ARHGAP5: variants seen among roughly 807,000 people sequenced by gnomAD.
The protein encoded by ARHGAP5 is Rho GTPase activating protein 5, also known as rho GTPase-activating protein 5.
Under a neutral mutation model 116.6 loss-of-function variants are expected in ARHGAP5, and 23 were observed. The ratio of observed to expected loss-of-function variants is 0.20; its 90% CI spans 0.14 to 0.28. The LOEUF is 0.28. Ranked by LOEUF, ARHGAP5 falls within the 10% of genes least tolerant of loss-of-function variation. The pLI, the probability that ARHGAP5 is intolerant of heterozygous loss-of-function variation, is 1.00. For missense variants in ARHGAP5, 1,405 were observed against 1,774.8 expected, an observed-to-expected ratio of 0.79 and a Z score of 3.74; for synonymous variants, 574 against 602.0, an observed-to-expected ratio of 0.95 and a Z score of 0.68.
At chr14:32,114,120 C>G (rs543578941) in intron 2 of ARHGAP5, among the ~76,000 whole-genome samples, 5 of 151,834 alleles carry the variant, frequency 3.3e-5, no homozygotes, top group Non-Finnish European at 4.4e-5. Context: ...CCCAGCTACT[C>G]GGGAGGCTGA....
In ARHGAP5 at chr14:32,090,491, CCT is replaced by C. The variant is rs1878189021; in HGVS notation, c.-168-6_-168-5del. The C allele has an allele frequency of 1.9e-6, 1 of 524,030 alleles. No individual in the cohort carries two copies. The highest frequency in any genetic ancestry group is 3.3e-6 in the Non-Finnish European group (1 of 302,974). The allele number at this position is 524,030 out of a possible 1,614,324, so 32.5% of individuals were successfully genotyped here. A position where few individuals can be genotyped will look rare whatever the true frequency, so the allele number is the denominator to read the frequency against. On this transcript the variant is annotated splice_polypyrimidine_tract_variant and intron_variant, in intron 1 of 6. Coordinates refer to ENST00000345122, the MANE Select transcript of ARHGAP5 (RefSeq NM_001030055.2). ...TGATTAAGATTTGTTCTTTTTCTCC[CCT>C]CTCTATAGGAAGATGATCCCTATGA... is the stretch of plus-strand genomic sequence containing the variant.
intron 3 of ARHGAP5, among the ~76,000 whole-genome samples, chr14:32,140,363 C>T (rs574750470): frequency 6.6e-6 from 1 of 151,656 alleles, no homozygotes; most frequent in African/African-American, 2.4e-5. Context: ...AGGTGGATCA[C>T]GAGGTCAGGA....
In ARHGAP5 at chr14:32,092,514, G is replaced by T. The variant is rs1878306922; in HGVS notation, c.1845G>T (p.Arg615Ser). 1 of 1,613,980 alleles carries T rather than the reference G, an allele frequency of 6.2e-7. No homozygotes were observed. Among genetic ancestry groups the T allele is most frequent in the Non-Finnish European group, 8.5e-7 (1 of 1,179,878 alleles). The stretch of plus-strand genomic sequence containing the variant: ...CCCAAGAACTAGCAAATGAGATAAG[G>T]ACACAATCCACTGATGATGAGTATG... ...GLAQELANEI[R>S]TQSTDDEYAL... Residue 615 changes from arginine (R) to serine (S), a missense_variant, in exon 2 of 7, where the codon AGG becomes AGT. Physicochemically the swap from Arg to Ser is moderately radical, Grantham distance 110. This residue lies in a region of ARHGAP5 where 944 missense variants were observed against 1,095.3 expected (regional missense o/e 0.86). Coordinates refer to ENST00000345122, the MANE Select transcript of ARHGAP5 (RefSeq NM_001030055.2). This position sits in a 1 kb window ranked among gnomAD's most constrained non-coding sequence, Gnocchi z 4.1.
chr14:32,084,505 G>A (rs1392051354), intron 1 of ARHGAP5, among the ~76,000 whole-genome samples: 1 of 152,168 alleles, frequency 6.6e-6, no homozygotes, highest in Non-Finnish European at 1.5e-5. Flanking sequence ...TTTGGAAGCT[G>A]ATTATTCTTA....
At chr14:32,153,406 CAAAAAAAAAAAAAAAAAAAAAAAAAA>C (rs771660350) in intron 6 of ARHGAP5, among the ~76,000 whole-genome samples, 7 of 15,158 alleles carry the variant, frequency 4.6e-4, no homozygotes, top group Non-Finnish European at 1.0e-3. Context: ...GACTCTGTCT[CAAAAAAAAAAAAAAAAAAAAAAAAAA>C]AAAAAAAAAA....
chr14:32,106,053 A>G (rs1879001877), intron 2 of ARHGAP5, among the ~76,000 whole-genome samples: 1 of 152,220 alleles, frequency 6.6e-6, no homozygotes, highest in Non-Finnish European at 1.5e-5. Flanking sequence ...CATCTTGAAT[A>G]AAGTTGTCAT....
intron 1 of ARHGAP5, among the ~76,000 whole-genome samples, chr14:32,085,859 A>T (rs1476179282): frequency 6.6e-6 from 1 of 151,942 alleles, no homozygotes; most frequent in East Asian, 1.9e-4. Context: ...TTTTTTTAAG[A>T]TGTCATAAAA....
Position 32,117,398 on chromosome 14 carries a change from A to G in ARHGAP5, c.3865+111A>G, listed in dbSNP as rs142517206. 4 of 1,018,930 alleles carry G rather than the reference A, an allele frequency of 3.9e-6. No homozygotes were observed. In the East Asian group the frequency reaches 1.1e-4, roughly 27 times the overall value. The allele number at this position is 1,018,930 out of a possible 1,614,324, so 63.1% of individuals were successfully genotyped here. A position where few individuals can be genotyped will look rare whatever the true frequency, so the allele number is the denominator to read the frequency against. On this transcript the variant is annotated intron_variant, in intron 3 of 6. Coordinates refer to ENST00000345122, the MANE Select transcript of ARHGAP5 (RefSeq NM_001030055.2). ...TAATATAGTTCTCATTATTAGGATT[A>G]TTTAGTATTAACTCCATCTGATCAG... is the stretch of plus-strand genomic sequence containing the variant.
chr14:32,135,377 A>G (rs958427500), intron 3 of ARHGAP5, among the ~76,000 whole-genome samples: 2 of 152,184 alleles, frequency 1.3e-5, no homozygotes, highest in African/African-American at 4.8e-5. Context: ...TTTTATGTCT[A>G]GACTCACCTG....
intron 1 of ARHGAP5, among the ~76,000 whole-genome samples, chr14:32,082,848 C>G (rs1400020004): frequency 6.6e-6 from 1 of 152,164 alleles, no homozygotes; most frequent in East Asian, 1.9e-4. Flanking sequence ...CTGGATTGCT[C>G]TTTTAAATTC....
chr14:32,143,144 A>C (rs932888074), intron 3 of ARHGAP5, among the ~76,000 whole-genome samples: 2 of 152,182 alleles, frequency 1.3e-5, no homozygotes, highest in Non-Finnish European at 2.9e-5. Flanking sequence ...CTTAAGGGTT[A>C]GTGACCTTTT....
Position 32,092,566 on chromosome 14 carries a change from G to C in ARHGAP5, c.1897G>C (p.Asp633His). 1.9e-6 allele frequency: 3 copies of C among 1,613,730 alleles called. No homozygotes were observed. The highest frequency in any genetic ancestry group is 2.2e-5 in the South Asian group (2 of 90,970). The change falls in exon 2 of 7, where the codon GAT becomes CAT. Residue 633 changes from aspartate (D) to histidine (H), a missense_variant. Transcript: ENST00000345122. This position sits in a 1 kb window ranked among gnomAD's most constrained non-coding sequence, Gnocchi z 4.1. ...CTTAGATGGAAAAATTTATGAACTT[G>C]ATCTTCGGCCGGTTGATGCCAAATC... ...YALDGKIYEL[D>H]LRPVDAKSPY... is the part of the protein sequence containing the mutation.
intron 3 of ARHGAP5, among the ~76,000 whole-genome samples, chr14:32,122,977 G>T (rs1481460179): frequency 2.6e-5 from 4 of 151,896 alleles, no homozygotes; most frequent in Non-Finnish European, 5.9e-5. Context: ...TAGGCTGATG[G>T]GTTTTCTTGC....
At chr14:32,109,100 G>A (rs937583310) in intron 2 of ARHGAP5, among the ~76,000 whole-genome samples, 2 of 152,148 alleles carry the variant, frequency 1.3e-5, no homozygotes, top group South Asian at 4.1e-4. Flanking sequence ...TGTTAATACT[G>A]CTCTTTTAAA....
intron 2 of ARHGAP5, among the ~76,000 whole-genome samples, chr14:32,098,262 G>A (rs753505674): frequency 2.0e-5 from 3 of 152,108 alleles, no homozygotes; most frequent in Admixed American, 1.3e-4. Flanking sequence ...TAGGCATATC[G>A]ACCAATATAA....
chr14:32,149,503 C>T (rs1397587022), intron 4 of ARHGAP5, among the ~76,000 whole-genome samples: 1 of 152,102 alleles, frequency 6.6e-6, no homozygotes, highest in Non-Finnish European at 1.5e-5. Flanking sequence ...GGCGCCGTGG[C>T]TCATGCCTGT....
intron 3 of ARHGAP5, among the ~76,000 whole-genome samples, chr14:32,131,869 A>G (rs1280821396): frequency 6.6e-6 from 1 of 152,178 alleles, no homozygotes; most frequent in African/African-American, 2.4e-5. Context: ...TTTGCTGAGA[A>G]TGATGGTTTC....
intron 3 of ARHGAP5, among the ~76,000 whole-genome samples, chr14:32,132,580 T>G (rs1880561566): frequency 6.6e-6 from 1 of 152,230 alleles, no homozygotes; most frequent in Non-Finnish European, 1.5e-5. Flanking sequence ...GCAGAAACTC[T>G]TTAGTTTAAT....
At chr14:32,130,810 C>A (rs1353314298) in intron 3 of ARHGAP5, among the ~76,000 whole-genome samples, 1 of 152,178 alleles carries the variant, frequency 6.6e-6, no homozygotes, top group African/African-American at 2.4e-5. Context: ...GGATTACAGG[C>A]ATGAGCCACC....
Sources: gnomAD v4.1 joint callset for allele counts (sites outside exome capture counted in the v4.1 genomes callset) on GRCh38, gnomAD v4.1.1 for gene constraint, gnomAD v4.1.1 regional missense constraint, Gnocchi (gnomAD v3.1) non-coding constraint, MANE v1.5 for transcripts, NCBI Gene and HGNC (gene_info 2026-07-23, HGNC 2026-07-21) for gene names.